The following MCCC1 variants were observed in gnomAD, a reference collection of about 807,000 sequenced individuals.
MCCC1 encodes methylcrotonyl-CoA carboxylase subunit 1.
A neutral mutation model predicts 83.8 loss-of-function variants in MCCC1; 64 were observed. The observed-to-expected ratio is 0.76, with a 90% CI of 0.62 to 0.94. MCCC1 has a LOEUF of 0.94. Ranked by LOEUF, MCCC1 falls within the 40% of genes least tolerant of loss-of-function variation. The pLI is 0.00. For synonymous variants in MCCC1, 322 were observed against 315.4 expected, an observed-to-expected ratio of 1.02 and a Z score of -0.22; for missense variants, 807 against 904.7, an observed-to-expected ratio of 0.89 and a Z score of 1.39.
At chr3:183,017,081 A>G (rs1711699463) in intron 18 of MCCC1, 185 bp downstream of exon 18, 2 of 612,524 alleles carry the variant, frequency 3.3e-6, no homozygotes, top group Non-Finnish European at 5.8e-6. Context: ...GTGCAATTTC[A>G]CAAAGTTAAA....
chr3:183,054,083 T>C (rs1715217528), intron 8 of MCCC1, among the ~76,000 whole-genome samples: 1 of 150,398 alleles, frequency 6.6e-6, no homozygotes, highest in Non-Finnish European at 1.5e-5. Flanking sequence ...GGTTTCAGCA[T>C]GTTGGCCAGG....
intron 3 of MCCC1, among the ~76,000 whole-genome samples, chr3:183,091,370 C>T (rs1440040965): frequency 6.6e-6 from 1 of 151,816 alleles, no homozygotes; most frequent in African/African-American, 2.4e-5. Flanking sequence ...GAGTTCGAGA[C>T]CATTTTGGCC....
chr3:183,087,792 A>AC (rs11373462), intron 3 of MCCC1, among the ~76,000 whole-genome samples: 149,955 of 150,790 alleles, frequency 0.99, 74,563 homozygotes, highest in East Asian at 1. Flanking sequence ...AATGGCGTGA[A>AC]CAGGGAGGCG....
At chr3:183,092,740 G>T (rs1486829416) in intron 2 of MCCC1, among the ~76,000 whole-genome samples, 195 bp from the exon 3 acceptor site, 2 of 151,928 alleles carry the variant, frequency 1.3e-5, no homozygotes, top group Non-Finnish European at 2.9e-5. Flanking sequence ...TAAATTCAAG[G>T]TACTCATTAA....
chr3:183,036,537 CT>C (rs11411314), intron 13 of MCCC1, among the ~76,000 whole-genome samples: 4,823 of 117,640 alleles, frequency 0.041, 275 homozygotes, highest in African/African-American at 0.14. Flanking sequence ...GATCCATTTC[CT>C]TTTTTTTTTT....
intron 14 of MCCC1, among the ~76,000 whole-genome samples, chr3:183,030,021 C>T (rs1011963318): frequency 6.6e-6 from 1 of 152,090 alleles, no homozygotes; most frequent in Non-Finnish European, 1.5e-5. Flanking sequence ...AATTAACATT[C>T]TCTAGGCCTG....
At chr3:183,038,968 T>G (rs1713841859) in intron 12 of MCCC1, 58 bp downstream of exon 12, 2 of 1,473,610 alleles carry the variant, frequency 1.4e-6, no homozygotes, top group Non-Finnish European at 1.9e-6. Context: ...AGACAAAGGC[T>G]GACCTCTGGT....
Position 183,057,250 on chromosome 3 carries a change from G to T in MCCC1, c.873+61C>A, listed in dbSNP as rs890615813. The T allele has an allele frequency of 3.4e-5, 45 of 1,314,098 alleles. No homozygotes were observed. The Middle Eastern group carries it at 5.3e-4, about 16-fold the overall frequency. The allele number at this position is 1,314,098 out of a possible 1,614,324, so 81.4% of individuals were successfully genotyped here. ...CACCAGATTCACAGATTTCTGATGT[G>T]AAAATCAGAGTAAGATTCACATTAC... is the stretch of plus-strand genomic sequence containing the variant. On this transcript the variant is annotated intron_variant, in intron 8 of 18. Coordinates refer to ENST00000265594, the MANE Select transcript of MCCC1 (RefSeq NM_020166.5).
chr3:183,045,294 G>A, intron 10 of MCCC1, 119 bp downstream of exon 10: 2 of 1,161,482 alleles, frequency 1.7e-6, no homozygotes, highest in Non-Finnish European at 2.5e-6. Flanking sequence ...TGGCCAGGCT[G>A]GTCTCGAACT....
intron 7 of MCCC1, among the ~76,000 whole-genome samples, chr3:183,059,929 G>A (rs1263192518): frequency 6.6e-6 from 1 of 151,488 alleles, no homozygotes; most frequent in Non-Finnish European, 1.5e-5. Flanking sequence ...TTCTTTTCCT[G>A]CATTTGAAGA....
chr3:183,109,721 T>G (rs907131551), intron 1 of MCCC1, among the ~76,000 whole-genome samples: 1 of 152,196 alleles, frequency 6.6e-6, no homozygotes, highest in Non-Finnish European at 1.5e-5. Flanking sequence ...AACATATGAG[T>G]GTGTGTGTCT....
chr3:183,072,855 T>A (rs6443849), intron 4 of MCCC1, among the ~76,000 whole-genome samples: 12 of 152,154 alleles, frequency 7.9e-5, no homozygotes, highest in African/African-American at 2.9e-4. Context: ...ATTCCCTCCC[T>A]TTCCTTAGTC....
At chr3:183,036,047 A>G (rs1053688031) in intron 13 of MCCC1, among the ~76,000 whole-genome samples, 1 of 142,654 alleles carries the variant, frequency 7.0e-6, no homozygotes, top group African/African-American at 2.6e-5. Context: ...TCATTGTTCA[A>G]TTCCCACCTA....
intron 9 of MCCC1, among the ~76,000 whole-genome samples, chr3:183,048,785 C>A (rs1714743438): frequency 1.3e-5 from 2 of 152,172 alleles, no homozygotes; most frequent in African/African-American, 4.8e-5. Flanking sequence ...TTTCATCCAA[C>A]AACAGCAGAA....
intron 4 of MCCC1, among the ~76,000 whole-genome samples, chr3:183,079,469 C>T (rs764515060): frequency 1.3e-5 from 2 of 152,230 alleles, no homozygotes; most frequent in Admixed American, 6.5e-5. Flanking sequence ...CTCCATGTCT[C>T]GCATCTGGAT....
intron 1 of MCCC1, among the ~76,000 whole-genome samples, chr3:183,105,040 A>G (rs961444929): frequency 5.3e-5 from 8 of 152,240 alleles, no homozygotes; most frequent in Non-Finnish European, 1.2e-4. Context: ...GATTAAAGAA[A>G]CTAATTAAAT....
chr3:183,035,406 T>A (rs778428968), intron 13 of MCCC1, among the ~76,000 whole-genome samples: 4 of 152,204 alleles, frequency 2.6e-5, no homozygotes, highest in Admixed American at 6.5e-5. Context: ...TCTAAATGAA[T>A]TCAGAAATTA....
intron 10 of MCCC1, 73 bp downstream of exon 10, chr3:183,045,340 A>T: frequency 6.3e-7 from 1 of 1,586,750 alleles, no homozygotes; most frequent in Non-Finnish European, 8.6e-7. Context: ...TTGGCCTGCC[A>T]AAGTGCTGGG....
chr3:183,025,650 A>G (rs1446648735), intron 15 of MCCC1, 105 bp downstream of exon 15: 7 of 1,037,726 alleles, frequency 6.7e-6, no homozygotes, highest in Non-Finnish European at 1.1e-5. Flanking sequence ...AACTACAGTC[A>G]TAATAGTCAA....
Sources: allele counts gnomAD v4.1 joint callset (sites outside exome capture counted in the v4.1 genomes callset), GRCh38; gene constraint gnomAD v4.1.1; transcripts MANE v1.5; gene names NCBI Gene and HGNC (gene_info 2026-07-23, HGNC 2026-07-21).